SUPT3H: variants seen among roughly 807,000 people sequenced by gnomAD.
SUPT3H encodes SPT3 homolog, SAGA and STAGA complex component.
Under a neutral mutation model 44.3 loss-of-function variants are expected in SUPT3H, and 44 were observed. The ratio of observed to expected loss-of-function variants is 0.99; its 90% CI spans 0.78 to 1.28. The LOEUF (loss-of-function observed/expected upper bound fraction) is 1.28. Among genes scored for constraint, SUPT3H ranks in the 50% most tolerant of loss-of-function variants. SUPT3H has a pLI of 0.00. For synonymous variants in SUPT3H, 124 were observed against 125.6 expected (o/e 0.99, Z 0.09); for missense variants, 380 against 387.1 (o/e 0.98, Z 0.15).
At chr6:44,977,915 C>A (rs1270455913) in intron 6 of SUPT3H, among the ~76,000 whole-genome samples, 1 of 151,974 alleles carries the variant, frequency 6.6e-6, no homozygotes, top group Non-Finnish European at 1.5e-5. Flanking sequence ...CCTCAGATTG[C>A]GCTACATGCA....
At chr6:44,860,007 A>G (rs2153425021) in intron 10 of SUPT3H, among the ~76,000 whole-genome samples, 1 of 152,316 alleles carries the variant, frequency 6.6e-6, no homozygotes, top group Non-Finnish European at 1.5e-5. Context: ...ACTATGAAGG[A>G]CTTCTATTAT....
At chr6:44,831,096 C>A (rs1156557845) in intron 10 of SUPT3H, among the ~76,000 whole-genome samples, 1 of 152,078 alleles carries the variant, frequency 6.6e-6, no homozygotes, top group Non-Finnish European at 1.5e-5. Context: ...TCATAAAATT[C>A]AATTAACTTG....
Position 45,283,191 on chromosome 6 carries a change from A to C in SUPT3H, c.101+82010T>G, listed in dbSNP as rs563093397. ...AACTGCATCAACTAACGAGCAAAAT[A>C]ACCAGCTAACATCATAATGACAGGA... On this transcript the variant is annotated intron_variant, in intron 2 of 10. Transcript: ENST00000371459. Among the ~76,000 whole-genome samples, 1,223 of 152,302 alleles carry C rather than the reference A, an allele frequency of 8.0e-3. 23 individuals are homozygous for C. Among genetic ancestry groups the C allele is most frequent in the African/African-American group, 0.028 (1,150 of 41,554 alleles).
At chr6:45,315,695 C>T (rs1232108749) in intron 2 of SUPT3H, among the ~76,000 whole-genome samples, 3 of 152,224 alleles carry the variant, frequency 2.0e-5, no homozygotes, top group South Asian at 4.1e-4. Flanking sequence ...TAAACCAGTA[C>T]AAGCTGCTAT....
chr6:45,318,052 T>G (rs950336843), intron 2 of SUPT3H, among the ~76,000 whole-genome samples: 1 of 152,054 alleles, frequency 6.6e-6, no homozygotes, highest in African/African-American at 2.4e-5. Context: ...AGGAATAGAT[T>G]AACACCATTA....
chr6:45,185,009 ACAGTAGTCAAT>A (rs1387807454), intron 2 of SUPT3H, among the ~76,000 whole-genome samples: 1 of 152,156 alleles, frequency 6.6e-6, no homozygotes, highest in East Asian at 1.9e-4. Context: ...AACTTACCCA[ACAGTAGTCAAT>A]CAGGAAGTTT....
At position 45,328,333 on chromosome 6, in the gene SUPT3H, C is replaced by T. The variant is rs79058520; in HGVS notation, c.101+36868G>A. The T allele has an allele frequency of 5.5e-5, 76 of 1,374,288 alleles. 1 individual carries two copies. Among genetic ancestry groups the T allele is most frequent in the African/African-American group, 2.8e-4 (19 of 68,012 alleles). 85.1% of individuals were successfully genotyped at this position (1,374,288 alleles called of 1,614,324 possible). On this transcript the variant is annotated intron_variant, in intron 2 of 10. Coordinates refer to ENST00000371459, the MANE Select transcript of SUPT3H (RefSeq NM_003599.4). ...TTTTGGATTGTGTGAATGCTTCATT[C>T]GCCTCACAAACAACCACAGAACCAC...
intron 9 of SUPT3H, among the ~76,000 whole-genome samples, chr6:44,938,510 G>C (rs1487658947): frequency 6.6e-6 from 1 of 152,050 alleles, no homozygotes; most frequent in Non-Finnish European, 1.5e-5. Flanking sequence ...GAAATGTAAT[G>C]TCTTCAGCTT....
At chr6:45,097,152 G>C (rs1044349743) in intron 3 of SUPT3H, among the ~76,000 whole-genome samples, 2 of 152,146 alleles carry the variant, frequency 1.3e-5, no homozygotes, top group African/African-American at 4.8e-5. Flanking sequence ...TAATCAAAAA[G>C]GAACTGTTCT....
At chr6:44,954,327 G>A (rs1191182120) in intron 8 of SUPT3H, among the ~76,000 whole-genome samples, 168 bp downstream of exon 8, 1 of 152,184 alleles carries the variant, frequency 6.6e-6, no homozygotes, top group Non-Finnish European at 1.5e-5. Context: ...AATTGAGGAT[G>A]CAGAGACACA....
chr6:45,252,458 G>A (rs1188243464), intron 2 of SUPT3H, among the ~76,000 whole-genome samples: 1 of 152,148 alleles, frequency 6.6e-6, no homozygotes, highest in Non-Finnish European at 1.5e-5. Context: ...CCAATTGTCT[G>A]TATGCTGCCC....
chr6:44,809,101 A>C (rs1766342385), downstream of SUPT3H, among the ~76,000 whole-genome samples: 1 of 152,208 alleles, frequency 6.6e-6, no homozygotes. Flanking sequence ...CATGAAACTC[A>C]ATCTTCTTAC....
intron 2 of SUPT3H, among the ~76,000 whole-genome samples, chr6:45,106,338 G>T (rs1330121740): frequency 2.6e-5 from 4 of 152,060 alleles, no homozygotes; most frequent in African/African-American, 9.7e-5. Flanking sequence ...AGGCTGAGGT[G>T]GGGGGATGGC....
intron 2 of SUPT3H, among the ~76,000 whole-genome samples, chr6:45,327,210 T>C (rs1035920729): frequency 1.6e-4 from 25 of 151,622 alleles, no homozygotes; most frequent in African/African-American, 5.8e-4. Flanking sequence ...ACATACTCTG[T>C]CTGTGGGCAT....
At chr6:45,065,620 A>C (rs957656268) in intron 3 of SUPT3H, among the ~76,000 whole-genome samples, 4 of 151,286 alleles carry the variant, frequency 2.6e-5, no homozygotes, top group African/African-American at 4.9e-5. Flanking sequence ...AAAAATGATA[A>C]AGGGGATATC....
chr6:45,217,725 T>C (rs1314840858), intron 2 of SUPT3H, among the ~76,000 whole-genome samples: 1 of 151,852 alleles, frequency 6.6e-6, no homozygotes, highest in African/African-American at 2.4e-5. Flanking sequence ...ATCCAGTCTC[T>C]ACAAAAATAC....
At chr6:45,030,441 C>A (rs1394346858) in intron 3 of SUPT3H, among the ~76,000 whole-genome samples, 1 of 152,106 alleles carries the variant, frequency 6.6e-6, no homozygotes. Context: ...GGGTTGTAGC[C>A]CTTACTTGTT....
At chr6:44,865,798 T>C (rs1341776004) in intron 10 of SUPT3H, among the ~76,000 whole-genome samples, 1 of 152,124 alleles carries the variant, frequency 6.6e-6, no homozygotes, top group Admixed American at 6.5e-5. Flanking sequence ...TTGAGGTACA[T>C]CACATATATT....
intron 9 of SUPT3H, among the ~76,000 whole-genome samples, chr6:44,944,762 CAAAAAA>C (rs57506313): frequency 3.0e-4 from 9 of 29,890 alleles, no homozygotes; most frequent in Non-Finnish European, 3.5e-4. Context: ...ACCCTCTCTC[CAAAAAA>C]AAAAAAAAAA....
Sources: gnomAD v4.1 joint callset for allele counts (sites outside exome capture counted in the v4.1 genomes callset) on GRCh38, gnomAD v4.1.1 for gene constraint, MANE v1.5 for transcripts, NCBI Gene and HGNC (gene_info 2026-07-23, HGNC 2026-07-21) for gene names.